IL1RAPL2: variants seen among roughly 807,000 people sequenced by gnomAD.
IL1RAPL2 encodes interleukin 1 receptor accessory protein like 2, also known as X-linked interleukin-1 receptor accessory protein-like 2.
In IL1RAPL2, 3 loss-of-function variants were observed where a neutral mutation model predicts 44.1. That is an observed-to-expected ratio of 0.07 (90% CI 0.03 to 0.18). The LOEUF (loss-of-function observed/expected upper bound fraction) is 0.18, where lower values mean the gene tolerates loss of function less well. Ranked by LOEUF, IL1RAPL2 falls within the 10% of genes least tolerant of loss-of-function variation. The probability of loss-of-function intolerance (pLI) is 1.00; values close to 1 mark genes in which losing one functional copy is unlikely to be tolerated. For synonymous variants in IL1RAPL2, 181 were observed against 178.8 expected (o/e 1.01, Z -0.10); for missense variants, 391 against 496.4 (o/e 0.79, Z 2.02).
rs920461432 is a variant in IL1RAPL2 at position 104,755,947 on chromosome X, T to G, written c.82+96952T>G. ...GTATGTTTTAATCAGTTTACAAAAA[T>G]GGATAATCCATCTCTGGGGACTTTG... is the stretch of plus-strand genomic sequence containing the variant. On this transcript the variant is annotated intron_variant, in intron 2 of 10. Coordinates refer to ENST00000372582, the MANE Select transcript of IL1RAPL2 (RefSeq NM_017416.2). 7.2e-5 allele frequency among the ~76,000 whole-genome samples: 8 copies of G among 111,745 alleles called. No homozygotes were observed. In the East Asian group the frequency reaches 2.3e-3, roughly 32 times the overall value.
chrX:105,051,294 G>A (rs1434734002), intron 2 of IL1RAPL2, among the ~76,000 whole-genome samples: 2 of 37,923 alleles, frequency 5.3e-5, no homozygotes, highest in African/African-American at 2.2e-4. Flanking sequence ...GGGACTGGGG[G>A]GTCATGTCTG....
At chrX:104,916,102 G>A (rs1924418903) in intron 2 of IL1RAPL2, among the ~76,000 whole-genome samples, 1 of 111,727 alleles carries the variant, frequency 9.0e-6, no homozygotes, top group African/African-American at 3.3e-5. Flanking sequence ...CCAATTCTGT[G>A]AAGAAAGTCA....
At chrX:105,489,787 TTCTCTCTCTCTC>T (rs36081932) in intron 6 of IL1RAPL2, among the ~76,000 whole-genome samples, 26 of 73,389 alleles carry the variant, frequency 3.5e-4, no homozygotes, top group African/African-American at 1.3e-3. Flanking sequence ...CTTTCTCTCT[TTCTCTCTCTCTC>T]TCTCTCTCTC....
chrX:104,982,284 A>G (rs1188283354), intron 2 of IL1RAPL2, among the ~76,000 whole-genome samples: 1 of 111,162 alleles, frequency 9.0e-6, no homozygotes, highest in Non-Finnish European at 1.9e-5. Flanking sequence ...GTCCCATCTC[A>G]AAGACCACTT....
intron 1 of IL1RAPL2, among the ~76,000 whole-genome samples, chrX:104,596,003 G>C (rs2147998456): frequency 9.1e-6 from 1 of 110,459 alleles, no homozygotes; most frequent in East Asian, 2.8e-4. Context: ...CTCTTTGGTA[G>C]TCTGGTGAAC....
At chrX:104,741,173 T>C (rs752088378) in intron 2 of IL1RAPL2, among the ~76,000 whole-genome samples, 1 of 111,643 alleles carries the variant, frequency 9.0e-6, no homozygotes, top group South Asian at 3.7e-4. Context: ...GTCTTCACTT[T>C]GTTAGAAATA....
chrX:104,794,777 A>G (rs1392721242), intron 2 of IL1RAPL2, among the ~76,000 whole-genome samples: 1 of 112,035 alleles, frequency 8.9e-6, no homozygotes, highest in Non-Finnish European at 1.9e-5. Flanking sequence ...TGATAGTACA[A>G]AAGATTTTCC....
rs1238742781 is a variant in IL1RAPL2, at chrX:105,698,096, G to A, written c.773-19271G>A. ...CAGCATCAGACTGACTCCAAGTGTT[G>A]CTTCTCCCATAACTTGTCATCTTCT... On this transcript the variant is annotated intron_variant, in intron 6 of 10. Coordinates refer to ENST00000372582, the MANE Select transcript of IL1RAPL2 (RefSeq NM_017416.2). Among the ~76,000 whole-genome samples, 8 of 111,417 alleles carry A rather than the reference G, an allele frequency of 7.2e-5. No homozygotes were observed. In the Admixed American group the frequency reaches 7.6e-4, roughly 11 times the overall value.
chrX:104,839,022 T>A (rs1290932584), intron 2 of IL1RAPL2, among the ~76,000 whole-genome samples: 2 of 107,654 alleles, frequency 1.9e-5, no homozygotes, highest in East Asian at 2.9e-4. Context: ...GCTCATTTTT[T>A]ATTTTTATTA....
Position 104,797,189 on chromosome X carries a change from C to A in IL1RAPL2, c.82+138194C>A, listed in dbSNP as rs1218913880. 3.7e-4 allele frequency among the ~76,000 whole-genome samples: 9 copies of A among 24,481 alleles called. No individual in the cohort carries two copies. In the East Asian group the frequency reaches 0.013, roughly 36 times the overall value. 21.3% of individuals were successfully genotyped at this position (24,481 alleles called of 115,157 possible). On this transcript the variant is annotated intron_variant, in intron 2 of 10. Coordinates refer to ENST00000372582, the MANE Select transcript of IL1RAPL2 (RefSeq NM_017416.2). ...TAAGTTGTAATGATCTCTTCAGCCC[C>A]CCCCCCCCCCCCGCAAAGTAATGTT...
At chrX:105,172,919 C>A (rs1297731714) in intron 2 of IL1RAPL2, among the ~76,000 whole-genome samples, 1 of 111,274 alleles carries the variant, frequency 9.0e-6, no homozygotes, top group African/African-American at 3.3e-5. Context: ...ACCCCATATT[C>A]TTAGCCAAAT....
intron 2 of IL1RAPL2, among the ~76,000 whole-genome samples, chrX:104,661,212 G>T (rs1224882297): frequency 9.0e-6 from 1 of 111,194 alleles, no homozygotes; most frequent in Non-Finnish European, 1.9e-5. Flanking sequence ...TTCAGTCTCT[G>T]CTTCTCCTTC....
At chrX:104,703,887 C>A (rs2147553693) in intron 2 of IL1RAPL2, among the ~76,000 whole-genome samples, 1 of 112,233 alleles carries the variant, frequency 8.9e-6, no homozygotes, top group African/African-American at 3.2e-5. Context: ...GCTAGGATGT[C>A]AATCTCATGA....
chrX:104,776,221 G>C (rs191024876), intron 2 of IL1RAPL2, among the ~76,000 whole-genome samples: 113 of 112,275 alleles, frequency 1.0e-3, no homozygotes, highest in Admixed American at 2.4e-3. Flanking sequence ...CACAAATTTG[G>C]AGGATCCTTG....
chrX:104,675,272 G>T (rs1236172086), intron 2 of IL1RAPL2, among the ~76,000 whole-genome samples: 2 of 111,316 alleles, frequency 1.8e-5, no homozygotes, highest in Non-Finnish European at 3.8e-5. Context: ...TGCTTTAAAT[G>T]CGTCCCAGAG....
chrX:104,575,599 A>G (rs1401310571), intron 1 of IL1RAPL2, among the ~76,000 whole-genome samples: 1 of 111,404 alleles, frequency 9.0e-6, no homozygotes, highest in Non-Finnish European at 1.9e-5. Flanking sequence ...CTTGGCATGA[A>G]CTTACCTGCT....
intron 6 of IL1RAPL2, among the ~76,000 whole-genome samples, chrX:105,703,977 G>A (rs2038141748): frequency 8.9e-6 from 1 of 111,905 alleles, no homozygotes. Context: ...AGGTCTCTTG[G>A]AAGCTAGTTT....
chrX:104,935,736 T>C (rs925685614), intron 2 of IL1RAPL2, among the ~76,000 whole-genome samples: 1 of 112,141 alleles, frequency 8.9e-6, no homozygotes, highest in African/African-American at 3.2e-5. Flanking sequence ...TGTTCTACTT[T>C]CTTAGTAGGC....
chrX:105,114,974 A>G (rs1436300735), intron 2 of IL1RAPL2, among the ~76,000 whole-genome samples: 1 of 112,052 alleles, frequency 8.9e-6, no homozygotes, highest in Non-Finnish European at 1.9e-5. Flanking sequence ...AGAAGTTCAG[A>G]TGGACAATAC....
Sources: gnomAD v4.1 joint callset for allele counts (sites outside exome capture counted in the v4.1 genomes callset) on GRCh38, gnomAD v4.1.1 for gene constraint, MANE v1.5 for transcripts, NCBI Gene and HGNC (gene_info 2026-07-23, HGNC 2026-07-21) for gene names.